The following ROBO2 variants were observed in gnomAD, a reference collection of about 807,000 sequenced individuals.
ROBO2 encodes roundabout guidance receptor 2, also known as roundabout homolog 2.
In ROBO2, 53 loss-of-function variants were observed where a neutral mutation model predicts 160.8. The observed-to-expected ratio is 0.33, with a 90% CI of 0.26 to 0.41. ROBO2 has a LOEUF of 0.41. ROBO2 is among the 10% of genes least tolerant of loss of function. The pLI is 1.00. For synonymous variants in ROBO2, 664 were observed against 611.7 expected, an observed-to-expected ratio of 1.09 and a Z score of -1.26; for missense variants, 1,577 against 1,722.4, an observed-to-expected ratio of 0.92 and a Z score of 1.49.
chr3:77,096,446 C>CTT, intron 1 of ROBO2, among the ~76,000 whole-genome samples: 1 of 147,696 alleles, frequency 6.8e-6, no homozygotes, highest in African/African-American at 2.6e-5. Context: ...CTTTTCTTTT[C>CTT]TTTTTCTTTT....
intron 2 of ROBO2, among the ~76,000 whole-genome samples, chr3:76,217,525 C>G (rs1703634292): frequency 6.6e-6 from 1 of 152,152 alleles, no homozygotes; most frequent in African/African-American, 2.4e-5. Flanking sequence ...TCAGAGAATA[C>G]TATAAAAACC....
At chr3:76,304,115 G>A (rs1420813480) in intron 2 of ROBO2, among the ~76,000 whole-genome samples, 2 of 152,084 alleles carry the variant, frequency 1.3e-5, no homozygotes, top group Non-Finnish European at 2.9e-5. Context: ...CATTTGACCT[G>A]GTACTTATGT....
intron 19 of ROBO2, among the ~76,000 whole-genome samples, chr3:77,597,884 C>T (rs927037408): frequency 6.6e-6 from 1 of 151,992 alleles, no homozygotes; most frequent in African/African-American, 2.4e-5. Context: ...CCTTTTAAGC[C>T]ACATAGAGAA....
rs762140914 is a variant in ROBO2 at position 76,614,804 on chromosome 3, G to A, written c.110-483210G>A. ...CATTTATTTTAAGGAAACTTGTCACGGGTTATTAACTGTACTAAATAACGG... is the reference window on the plus strand; with the variant it reads ...CATTTATTTTAAGGAAACTTGTCACAGGTTATTAACTGTACTAAATAACGG... On this transcript the variant is annotated intron_variant, in intron 2 of 26. Coordinates refer to the ROBO2 transcript ENST00000487694. Among the ~76,000 whole-genome samples, 8 of 151,854 alleles carry A rather than the reference G, an allele frequency of 5.3e-5. No individual in the cohort carries two copies. The East Asian group carries it at 5.8e-4, about 11-fold the overall frequency.
chr3:76,666,723 G>GA (rs138040050), intron 2 of ROBO2, among the ~76,000 whole-genome samples: 1 of 151,128 alleles, frequency 6.6e-6, no homozygotes, highest in South Asian at 2.1e-4. Context: ...ATTTTTCACT[G>GA]AAAAAAAAGT....
At chr3:76,098,793 A>G (rs539849805) in intron 2 of ROBO2, among the ~76,000 whole-genome samples, 1 of 152,308 alleles carries the variant, frequency 6.6e-6, no homozygotes, top group Admixed American at 6.5e-5. Flanking sequence ...TTTTTTGTGC[A>G]TAAAATAATG....
At chr3:76,026,122 C>T (rs1448966566) in intron 2 of ROBO2, among the ~76,000 whole-genome samples, 3 of 151,870 alleles carry the variant, frequency 2.0e-5, no homozygotes, top group South Asian at 2.1e-4. Context: ...AGTCAGTGAC[C>T]GATTAACCAT....
intron 2 of ROBO2, among the ~76,000 whole-genome samples, chr3:76,418,646 C>T (rs1431207558): frequency 6.7e-6 from 1 of 148,746 alleles, no homozygotes; most frequent in Non-Finnish European, 1.5e-5. Context: ...GCTATTTGCT[C>T]AAATAAACGC....
At chr3:77,219,401 T>G (rs2085422549) in intron 2 of ROBO2, among the ~76,000 whole-genome samples, 1 of 145,932 alleles carries the variant, frequency 6.9e-6, no homozygotes, top group Non-Finnish European at 1.5e-5. Flanking sequence ...TGTAAAATTT[T>G]GAGAGAATCA....
At chr3:77,553,952 T>C (rs1235521900) in intron 8 of ROBO2, among the ~76,000 whole-genome samples, 3 of 151,974 alleles carry the variant, frequency 2.0e-5, no homozygotes, top group African/African-American at 4.8e-5. Flanking sequence ...AGATTTTCAA[T>C]GTAGACAAAG....
At chr3:76,635,856 C>G (rs901560657) in intron 2 of ROBO2, among the ~76,000 whole-genome samples, 7 of 152,166 alleles carry the variant, frequency 4.6e-5, no homozygotes, top group African/African-American at 1.7e-4. Context: ...GCTTAGAAAA[C>G]TTCTTCAGAA....
At chr3:77,578,182 G>A (rs1294835315) in intron 15 of ROBO2, among the ~76,000 whole-genome samples, 1 of 152,030 alleles carries the variant, frequency 6.6e-6, no homozygotes, top group Admixed American at 6.6e-5. Context: ...TTTTTCAACT[G>A]ATGAATTTTT....
intron 1 of ROBO2, 21 bp downstream of exon 1, chr3:77,040,867 T>A: frequency 1.9e-6 from 3 of 1,614,076 alleles, no homozygotes; most frequent in South Asian, 1.1e-5. Context: ...AATGCTTTCA[T>A]CTTTTTTTGC....
At position 76,963,572 on chromosome 3, in the gene ROBO2, A is replaced by G. The variant is rs184017919; in HGVS notation, c.110-134442A>G. Among the ~76,000 whole-genome samples the G allele has an allele frequency of 4.5e-3, 688 of 152,256 alleles. 1 individual carries two copies. The highest frequency in any genetic ancestry group is 6.8e-3 in the Middle Eastern group (2 of 294). ...AAAATTTGGTCAATTATATCATTTG[A>G]CTTTTTATCTCTATTCCCATATTAG... On this transcript the variant is annotated intron_variant, in intron 2 of 26. Transcript: ENST00000487694.
chr3:76,132,742 T>C (rs1004364129), intron 2 of ROBO2, among the ~76,000 whole-genome samples: 29 of 152,270 alleles, frequency 1.9e-4, no homozygotes, highest in African/African-American at 6.7e-4. Context: ...TTATGTGAAA[T>C]GAGAAGCCAC....
intron 2 of ROBO2, among the ~76,000 whole-genome samples, chr3:76,904,500 C>A (rs1161016195): frequency 6.6e-6 from 1 of 152,116 alleles, no homozygotes; most frequent in South Asian, 2.1e-4. Context: ...AAGAATGATT[C>A]TTTAAAAGAA....
chr3:77,619,517 G>A (rs889992645), intron 22 of ROBO2, among the ~76,000 whole-genome samples: 2 of 152,116 alleles, frequency 1.3e-5, no homozygotes, highest in African/African-American at 4.8e-5. Flanking sequence ...GAATCATAGC[G>A]TTACTTTCCC....
At chr3:77,209,331 G>T (rs1452392405) in intron 2 of ROBO2, among the ~76,000 whole-genome samples, 3 of 152,036 alleles carry the variant, frequency 2.0e-5, no homozygotes, top group Non-Finnish European at 4.4e-5. Context: ...TTACAAAAAG[G>T]TTAATGGATT....
At chr3:76,225,190 C>T (rs1275083195) in intron 2 of ROBO2, among the ~76,000 whole-genome samples, 3 of 152,072 alleles carry the variant, frequency 2.0e-5, no homozygotes, top group Non-Finnish European at 4.4e-5. Flanking sequence ...ACAGTGGGGG[C>T]TGTACATTCC....
Sources: allele counts gnomAD v4.1 joint callset (sites outside exome capture counted in the v4.1 genomes callset), GRCh38; gene constraint gnomAD v4.1.1; transcripts MANE v1.5; gene names NCBI Gene and HGNC (gene_info 2026-07-23, HGNC 2026-07-21).